RBFOX1: variants seen among roughly 807,000 people sequenced by gnomAD.
RBFOX1 encodes the protein RNA binding fox-1 homolog 1, also known as RNA binding protein fox-1 homolog 1.
RBFOX1 carries 8 observed loss-of-function variants against 57.7 expected under a neutral mutation model. That is an observed-to-expected ratio of 0.14 (90% CI 0.08 to 0.25). The LOEUF is 0.25. RBFOX1 is among the 10% of genes least tolerant of loss of function. The probability of loss-of-function intolerance (pLI) is 1.00; values close to 1 mark genes in which losing one functional copy is unlikely to be tolerated. For synonymous variants in RBFOX1, 326 were observed against 222.4 expected, an observed-to-expected ratio of 1.47 and a Z score of -4.15; for missense variants, 611 against 548.5, an observed-to-expected ratio of 1.11 and a Z score of -1.14.
intron 1 of RBFOX1, among the ~76,000 whole-genome samples, chr16:5,354,356 T>G (rs972638302): frequency 7.9e-5 from 12 of 152,180 alleles, no homozygotes; most frequent in African/African-American, 2.9e-4. Flanking sequence ...GACCCAATAT[T>G]CCTGAAAGAC....
At chr16:6,363,046 A>G (rs554166834) in intron 2 of RBFOX1, among the ~76,000 whole-genome samples, 2 of 152,328 alleles carry the variant, frequency 1.3e-5, no homozygotes, top group Admixed American at 1.3e-4. Flanking sequence ...TTTTTCTCTC[A>G]ATATGAAATG....
intron 4 of RBFOX1, among the ~76,000 whole-genome samples, chr16:7,110,187 CAA>C (rs59148096): frequency 0.011 from 1,478 of 135,134 alleles, 22 homozygotes; most frequent in African/African-American, 0.034. Context: ...CCCCGTGTCT[CAA>C]AAAAAAAAAA....
intron 1 of RBFOX1, among the ~76,000 whole-genome samples, chr16:5,303,974 C>T (rs571137187): frequency 6.6e-6 from 1 of 152,066 alleles, no homozygotes; most frequent in Non-Finnish European, 1.5e-5. Flanking sequence ...TTAAATGGAA[C>T]TTTTCTCTAT....
At chr16:6,634,713 A>T (rs958867273) in intron 2 of RBFOX1, among the ~76,000 whole-genome samples, 10 of 143,844 alleles carry the variant, frequency 7.0e-5, no homozygotes, top group African/African-American at 2.5e-4. Context: ...ATTTGTATTA[A>T]ATATATAATA....
At chr16:6,613,715 T>C (rs1433068224) in intron 2 of RBFOX1, among the ~76,000 whole-genome samples, 1 of 152,194 alleles carries the variant, frequency 6.6e-6, no homozygotes, top group African/African-American at 2.4e-5. Context: ...GGAGGGCAGA[T>C]CACTCGAGGC....
intron 4 of RBFOX1, among the ~76,000 whole-genome samples, chr16:7,169,974 C>G (rs900507934): frequency 3.9e-5 from 6 of 152,072 alleles, no homozygotes; most frequent in Non-Finnish European, 7.4e-5. Flanking sequence ...TTGGGAGGAT[C>G]AGGTAGGAGG....
chr16:5,978,556 C>A (rs928473922), intron 4 of RBFOX1, among the ~76,000 whole-genome samples: 3 of 152,158 alleles, frequency 2.0e-5, no homozygotes, highest in African/African-American at 7.2e-5. Flanking sequence ...CATTAATCAC[C>A]TGTTTCTATT....
chr16:6,299,389 A>G (rs2078526331), intron 1 of RBFOX1, among the ~76,000 whole-genome samples: 2 of 152,232 alleles, frequency 1.3e-5, no homozygotes, highest in South Asian at 4.1e-4. Context: ...TTCTAAAAAT[A>G]GCGTTTTGAG....
intron 2 of RBFOX1, among the ~76,000 whole-genome samples, chr16:6,557,053 A>T (rs915566627): frequency 1.4e-5 from 2 of 144,880 alleles, no homozygotes; most frequent in Non-Finnish European, 1.5e-5. Context: ...ATACATATAT[A>T]TACATATATA....
At chr16:6,212,804 C>A (rs1002322942) in intron 1 of RBFOX1, among the ~76,000 whole-genome samples, 1 of 152,018 alleles carries the variant, frequency 6.6e-6, no homozygotes, top group Non-Finnish European at 1.5e-5. Flanking sequence ...ATAAGACATA[C>A]TCTTTAATTT....
intron 4 of RBFOX1, among the ~76,000 whole-genome samples, chr16:7,168,248 A>G (rs1042684853): frequency 2.7e-4 from 41 of 152,142 alleles, no homozygotes; most frequent in African/African-American, 9.4e-4. Flanking sequence ...GGTTTGATCT[A>G]GAATTTTTGG....
intron 3 of RBFOX1, among the ~76,000 whole-genome samples, chr16:6,965,388 G>T (rs1030865577): frequency 6.7e-6 from 1 of 150,274 alleles, no homozygotes. Flanking sequence ...TGTTTCCCAG[G>T]CTGTAGTGCA....
chr16:6,805,390 G>A (rs7501335), intron 3 of RBFOX1, among the ~76,000 whole-genome samples: 6,404 of 152,224 alleles, frequency 0.042, 282 homozygotes, highest in South Asian at 0.15. Flanking sequence ...GTCTCCTGGA[G>A]GATAGAGGGT....
At chr16:6,621,755 T>C (rs1334174912) in intron 2 of RBFOX1, among the ~76,000 whole-genome samples, 3 of 152,144 alleles carry the variant, frequency 2.0e-5, no homozygotes, top group Non-Finnish European at 4.4e-5. Flanking sequence ...GATCAACCTT[T>C]AGGCTAATCA....
intron 3 of RBFOX1, among the ~76,000 whole-genome samples, chr16:6,952,189 A>T (rs1291240153): frequency 1.3e-5 from 2 of 152,178 alleles, no homozygotes; most frequent in East Asian, 3.9e-4. Flanking sequence ...TGAGAGAAGG[A>T]ATCCTTCACT....
intron 4 of RBFOX1, among the ~76,000 whole-genome samples, chr16:7,060,877 T>A (rs549717111): frequency 6.6e-6 from 1 of 152,192 alleles, no homozygotes; most frequent in East Asian, 1.9e-4. Flanking sequence ...TTCTTTGCAT[T>A]AACTTTCCAA....
At chr16:7,590,751 C>T (rs992821652) in intron 7 of RBFOX1, among the ~76,000 whole-genome samples, 2 of 150,064 alleles carry the variant, frequency 1.3e-5, no homozygotes, top group East Asian at 2.0e-4. Context: ...CCCAGCTACT[C>T]GGGAGGCTGA....
intron 4 of RBFOX1, among the ~76,000 whole-genome samples, chr16:7,357,546 A>G (rs539330627): frequency 3.3e-4 from 50 of 152,208 alleles, no homozygotes; most frequent in African/African-American, 1.1e-3. Flanking sequence ...ACCTCTTTTC[A>G]TACTTACCCA....
intron 3 of RBFOX1, among the ~76,000 whole-genome samples, chr16:6,734,927 C>G (rs1250543613): frequency 6.6e-6 from 1 of 152,084 alleles, no homozygotes; most frequent in Non-Finnish European, 1.5e-5. Flanking sequence ...CTCGCTTGAG[C>G]CCAGGAGTTT....
Sources: allele counts gnomAD v4.1 joint callset (sites outside exome capture counted in the v4.1 genomes callset), GRCh38; gene constraint gnomAD v4.1.1; transcripts MANE v1.5; gene names NCBI Gene and HGNC (gene_info 2026-07-23, HGNC 2026-07-21).